Variants in ALK observed in about 807,000 individuals in gnomAD.
The protein encoded by ALK is ALK tyrosine kinase receptor.
A neutral mutation model predicts 163.1 loss-of-function variants in ALK; 74 were observed. The observed-to-expected ratio is 0.45, with a 90% CI of 0.38 to 0.55. The LOEUF is 0.55. Among genes scored for constraint, ALK ranks in the 20% least tolerant of loss-of-function variants. The probability of loss-of-function intolerance (pLI) is 0.00; values close to 1 mark genes in which losing one functional copy is unlikely to be tolerated. For missense variants in ALK, 2,063 were observed against 2,105.3 expected (o/e 0.98, Z 0.39); for synonymous variants, 960 against 843.2 (o/e 1.14, Z -2.40).
At chr2:29,794,716 C>T (rs1364258998) in intron 1 of ALK, among the ~76,000 whole-genome samples, 1 of 152,116 alleles carries the variant, frequency 6.6e-6, no homozygotes, top group Non-Finnish European at 1.5e-5. Context: ...GCAATCAGAG[C>T]ACACAATTAT....
chr2:29,704,938 G>C (rs1042421327), intron 2 of ALK, among the ~76,000 whole-genome samples: 1 of 152,028 alleles, frequency 6.6e-6, no homozygotes, highest in Admixed American at 6.6e-5. Flanking sequence ...TAATGATTTT[G>C]ATAAAAATAA....
chr2:29,341,530 G>A lies in ALK; in HGVS notation c.1283-13049C>T, dbSNP rs189989909. ...CTTGGAAGGCTAAGGAGGGAGGATC[G>A]CTTTAGCCTTCACTGCAGGAGGTTG... On this transcript the variant is annotated intron_variant, in intron 5 of 28. Coordinates refer to ENST00000389048, the MANE Select transcript of ALK (RefSeq NM_004304.5). Among the ~76,000 whole-genome samples, 182 of 152,290 alleles carry A rather than the reference G, an allele frequency of 1.2e-3. 1 individual carries two copies. Among genetic ancestry groups the A allele is most frequent in the African/African-American group, 4.0e-3 (168 of 41,558 alleles).
intron 1 of ALK, among the ~76,000 whole-genome samples, chr2:29,826,437 A>G (rs1304730393): frequency 1.3e-5 from 2 of 149,358 alleles, no homozygotes; most frequent in African/African-American, 2.5e-5. Context: ...AGACAGCATC[A>G]CCAGTTGATT....
At chr2:29,519,544 C>T (rs916242476) in intron 4 of ALK, among the ~76,000 whole-genome samples, 10 of 152,220 alleles carry the variant, frequency 6.6e-5, no homozygotes, top group Admixed American at 6.5e-4. Flanking sequence ...ACCACATTTT[C>T]TGGCTCACAT....
chr2:29,698,457 C>T (rs1230383736), intron 2 of ALK, among the ~76,000 whole-genome samples: 2 of 152,224 alleles, frequency 1.3e-5, no homozygotes, highest in African/African-American at 4.8e-5. Flanking sequence ...TCCCATCCCA[C>T]ATTGACAATT....
chr2:29,436,707 A>T (rs1462356145), intron 4 of ALK, among the ~76,000 whole-genome samples: 1 of 152,142 alleles, frequency 6.6e-6, no homozygotes, highest in Non-Finnish European at 1.5e-5. Context: ...GCCCAATCGT[A>T]TCTGTGACCA....
At chr2:29,700,364 G>C (rs182475651) in intron 2 of ALK, among the ~76,000 whole-genome samples, 1 of 152,148 alleles carries the variant, frequency 6.6e-6, no homozygotes, top group African/African-American at 2.4e-5. Flanking sequence ...GACCAAAATG[G>C]AGAAACCCTG....
At chr2:29,803,370 C>T (rs1358559105) in intron 1 of ALK, among the ~76,000 whole-genome samples, 1 of 152,194 alleles carries the variant, frequency 6.6e-6, no homozygotes, top group Non-Finnish European at 1.5e-5. Flanking sequence ...TGCTTGAATT[C>T]CACTGATTCC....
Position 29,531,271 on chromosome 2 carries a change from G to A in ALK, c.1154+644C>T, listed in dbSNP as rs555072103. Among the ~76,000 whole-genome samples the A allele has an allele frequency of 5.9e-5, 9 of 152,290 alleles. No homozygotes were observed. In the East Asian group the frequency reaches 1.5e-3, roughly 26 times the overall value. ...ATACTTATGGAATGGAAAAACAAAA[G>A]CCAGGCACAGAAGTGCCCTAGTTTA... On this transcript the variant is annotated intron_variant, in intron 4 of 28. Coordinates refer to ENST00000389048, the MANE Select transcript of ALK (RefSeq NM_004304.5).
intron 1 of ALK, among the ~76,000 whole-genome samples, chr2:29,787,457 A>T (rs540046183): frequency 1.3e-5 from 2 of 152,378 alleles, no homozygotes; most frequent in South Asian, 4.1e-4. Flanking sequence ...CAAAGCACTT[A>T]CTGGACTCAT....
chr2:29,564,443 C>CA (rs1010232216), intron 3 of ALK, among the ~76,000 whole-genome samples: 12 of 107,672 alleles, frequency 1.1e-4, no homozygotes, highest in African/African-American at 4.4e-4. Context: ...CTACCACCAC[C>CA]CCCACCGCCA....
chr2:29,403,110 A>G (rs1669490286), intron 4 of ALK, among the ~76,000 whole-genome samples: 1 of 152,200 alleles, frequency 6.6e-6, no homozygotes, highest in African/African-American at 2.4e-5. Flanking sequence ...CAGGCCACTC[A>G]TAAAATGAGA....
chr2:29,792,114 G>T (rs970319242), intron 1 of ALK, among the ~76,000 whole-genome samples: 1 of 152,164 alleles, frequency 6.6e-6, no homozygotes, highest in Non-Finnish European at 1.5e-5. Context: ...GCAACAAATA[G>T]CTAAAAATAG....
At chr2:29,222,188 G>A (rs1252966384) in intron 22 of ALK, among the ~76,000 whole-genome samples, 156 bp downstream of exon 22, 3 of 152,192 alleles carry the variant, frequency 2.0e-5, no homozygotes, top group Non-Finnish European at 4.4e-5. Flanking sequence ...ATTCTGGTAA[G>A]AAGTGTCTAG....
intron 1 of ALK, among the ~76,000 whole-genome samples, chr2:29,850,828 G>A (rs767092362): frequency 2.0e-4 from 30 of 152,052 alleles, no homozygotes; most frequent in African/African-American, 2.9e-4. Context: ...CCCTTTCCTC[G>A]TCCAGGAAGC....
intron 1 of ALK, among the ~76,000 whole-genome samples, chr2:29,842,007 A>C: frequency 1.4e-5 from 2 of 147,200 alleles, no homozygotes; most frequent in East Asian, 2.0e-4. Context: ...CCTCCTCTTC[A>C]CTCCTCTTTT....
At chr2:29,341,557 G>A (rs1446430033) in intron 5 of ALK, among the ~76,000 whole-genome samples, 1 of 152,198 alleles carries the variant, frequency 6.6e-6, no homozygotes, top group East Asian at 1.9e-4. Context: ...AGGAGGTTGA[G>A]TCTGCAGTGA....
At chr2:29,318,221 TA>T in intron 8 of ALK, 82 bp downstream of exon 8, 1 of 1,176,644 alleles carries the variant, frequency 8.5e-7, no homozygotes, top group East Asian at 2.4e-5. Flanking sequence ...CCCAGCCAGC[TA>T]GGCTACTTTC....
intron 2 of ALK, among the ~76,000 whole-genome samples, chr2:29,716,000 A>G (rs1415025127): frequency 1.3e-5 from 2 of 152,170 alleles, no homozygotes; most frequent in Non-Finnish European, 2.9e-5. Context: ...ATGGTACAGA[A>G]AGGTACAGTT....
Sources: allele counts gnomAD v4.1 joint callset (sites outside exome capture counted in the v4.1 genomes callset), GRCh38; gene constraint gnomAD v4.1.1; transcripts MANE v1.5; gene names NCBI Gene and HGNC (gene_info 2026-07-23, HGNC 2026-07-21).